SYN3: variants seen among roughly 807,000 people sequenced by gnomAD.
The protein encoded by SYN3 is synapsin III.
Under a neutral mutation model 65.8 loss-of-function variants are expected in SYN3, and 35 were observed. That is an observed-to-expected ratio of 0.53 (90% CI 0.41 to 0.70). The LOEUF (loss-of-function observed/expected upper bound fraction) is 0.70, where lower values mean the gene tolerates loss of function less well. Among genes scored for constraint, SYN3 ranks in the 30% least tolerant of loss-of-function variants. The pLI is 0.00. For synonymous variants in SYN3, 270 were observed against 292.9 expected, an observed-to-expected ratio of 0.92 and a Z score of 0.80; for missense variants, 680 against 749.0, an observed-to-expected ratio of 0.91 and a Z score of 1.08.
rs373124711 is a variant in SYN3, at chr22:32,874,481, G to A, written c.462-5356C>T. Among the ~76,000 whole-genome samples, 53 of 152,314 alleles carry A rather than the reference G, an allele frequency of 3.5e-4. 1 individual carries two copies. Among genetic ancestry groups the A allele is most frequent in the Admixed American group, 1.8e-3 (28 of 15,304 alleles). On this transcript the variant is annotated intron_variant, in intron 4 of 13. Transcript: ENST00000358763. ...GGGATTACTGAATGCTTCTGGCAGC[G>A]TCAAAAAGCTGGAGGCCAGAGGTGA...
chr22:32,969,729 G>A (rs2051960480), intron 3 of SYN3, among the ~76,000 whole-genome samples: 1 of 152,112 alleles, frequency 6.6e-6, no homozygotes, highest in Non-Finnish European at 1.5e-5. Flanking sequence ...TAATCTCCTA[G>A]GACACTCCCT....
intron 1 of SYN3, among the ~76,000 whole-genome samples, chr22:33,023,466 C>T (rs527797353): frequency 6.6e-6 from 1 of 152,318 alleles, no homozygotes; most frequent in East Asian, 1.9e-4. Flanking sequence ...ACTGGAAGTT[C>T]ATTAAACCCC....
intron 6 of SYN3, among the ~76,000 whole-genome samples, chr22:32,776,978 C>T (rs995182151): frequency 6.6e-6 from 1 of 152,132 alleles, no homozygotes; most frequent in African/African-American, 2.4e-5. Context: ...CCCAGAACCA[C>T]AATGCTGACC....
chr22:32,560,785 T>C (rs1289588284), intron 7 of SYN3, among the ~76,000 whole-genome samples: 2 of 152,138 alleles, frequency 1.3e-5, no homozygotes, highest in South Asian at 4.1e-4. Flanking sequence ...AAGGTTCGCT[T>C]TGTTGTGAGA....
intron 7 of SYN3, among the ~76,000 whole-genome samples, chr22:32,547,537 C>T (rs904555176): frequency 6.6e-6 from 1 of 151,954 alleles, no homozygotes; most frequent in African/African-American, 2.4e-5. Context: ...GGTTCTCACA[C>T]TCTTCTCCTC....
At chr22:32,815,094 C>T (rs1051138082) in intron 6 of SYN3, among the ~76,000 whole-genome samples, 2 of 152,180 alleles carry the variant, frequency 1.3e-5, no homozygotes, top group Admixed American at 6.5e-5. Context: ...GGTTAGTGGC[C>T]GCCATGTTAA....
At chr22:32,704,182 C>G (rs1337669582) in intron 6 of SYN3, among the ~76,000 whole-genome samples, 1 of 152,048 alleles carries the variant, frequency 6.6e-6, no homozygotes, top group Non-Finnish European at 1.5e-5. Context: ...AGCCTAGTAC[C>G]TTATGTTTAT....
At chr22:32,833,157 T>A (rs2047628259) in intron 6 of SYN3, among the ~76,000 whole-genome samples, 1 of 152,186 alleles carries the variant, frequency 6.6e-6, no homozygotes, top group African/African-American at 2.4e-5. Flanking sequence ...CAACCTTGTA[T>A]ACTGATCGGT....
intron 1 of SYN3, among the ~76,000 whole-genome samples, chr22:33,028,670 G>GTGGTGGCGGTGGTGGTGGTGGTGGTGA (rs2053685509): frequency 8.5e-6 from 1 of 118,028 alleles, no homozygotes; most frequent in African/African-American, 3.9e-5. Context: ...GGTGGTGGTG[G>GTGGTGGCGGTGGTGGTGGTGGTGGTGA]TGGTGGTGGT....
At chr22:32,604,603 T>TTTTCTAGGCCAATCCC (rs2059340128) in intron 6 of SYN3, among the ~76,000 whole-genome samples, 1 of 117,262 alleles carries the variant, frequency 8.5e-6, no homozygotes. Context: ...GCTGAAATTC[T>TTTTCTAGGCCAATCCC]GTCCCTGAAA....
intron 6 of SYN3, among the ~76,000 whole-genome samples, chr22:32,648,817 G>A (rs1426238922): frequency 1.3e-5 from 2 of 152,150 alleles, no homozygotes; most frequent in Admixed American, 1.3e-4. Context: ...TATGATTTTT[G>A]TTGTTGTCCA....
intron 3 of SYN3, among the ~76,000 whole-genome samples, chr22:32,944,551 A>G (rs1027871453): frequency 2.0e-5 from 3 of 152,202 alleles, no homozygotes; most frequent in African/African-American, 7.2e-5. Flanking sequence ...TCTCAAAATA[A>G]TAAGAGCTAT....
At chr22:32,935,339 T>C (rs2050743678) in intron 3 of SYN3, among the ~76,000 whole-genome samples, 1 of 151,602 alleles carries the variant, frequency 6.6e-6, no homozygotes, top group East Asian at 1.9e-4. Context: ...AACAAATTAG[T>C]TATTCACCTA....
At chr22:32,780,964 T>G (rs958209514) in intron 6 of SYN3, among the ~76,000 whole-genome samples, 2 of 76,560 alleles carry the variant, frequency 2.6e-5, no homozygotes, top group South Asian at 5.2e-4. Flanking sequence ...CTTCCTTCCT[T>G]CCTTCCTTCC....
intron 6 of SYN3, among the ~76,000 whole-genome samples, chr22:32,850,569 G>A (rs901155782): frequency 3.9e-5 from 6 of 152,152 alleles, no homozygotes; most frequent in Admixed American, 3.9e-4. Flanking sequence ...GAGGCCGTGA[G>A]GGAGATACAG....
At chr22:32,772,002 G>A (rs969618130) in intron 6 of SYN3, among the ~76,000 whole-genome samples, 1 of 152,126 alleles carries the variant, frequency 6.6e-6, no homozygotes, top group Non-Finnish European at 1.5e-5. Flanking sequence ...TTGTGTGCAT[G>A]AGGCTGCACT....
At chr22:32,804,355 G>C (rs1258707841) in intron 6 of SYN3, among the ~76,000 whole-genome samples, 2 of 152,178 alleles carry the variant, frequency 1.3e-5, no homozygotes, top group African/African-American at 2.4e-5. Context: ...TCATTGCTCA[G>C]AGCCTTTCTG....
At chr22:32,922,288 T>C (rs1010472944) in intron 4 of SYN3, among the ~76,000 whole-genome samples, 1 of 152,208 alleles carries the variant, frequency 6.6e-6, no homozygotes, top group African/African-American at 2.4e-5. Flanking sequence ...TTGCCACTTA[T>C]TGGCTGGAGA....
intron 6 of SYN3, among the ~76,000 whole-genome samples, chr22:32,618,042 C>A (rs569427564): frequency 6.6e-6 from 1 of 152,260 alleles, no homozygotes; most frequent in South Asian, 2.1e-4. Context: ...GTAGCCACAT[C>A]ACGCCTATCT....
Sources: gnomAD v4.1 joint callset for allele counts (sites outside exome capture counted in the v4.1 genomes callset) on GRCh38, gnomAD v4.1.1 for gene constraint, MANE v1.5 for transcripts, NCBI Gene and HGNC (gene_info 2026-07-23, HGNC 2026-07-21) for gene names.